The following GULP1 variants were observed in gnomAD, a reference collection of about 807,000 sequenced individuals.
GULP1 encodes the protein GULP PTB domain containing engulfment adaptor 1, also known as PTB domain-containing engulfment adapter protein 1.
Under a neutral mutation model 40.9 loss-of-function variants are expected in GULP1, and 19 were observed. The ratio of observed to expected loss-of-function variants is 0.46; its 90% CI spans 0.32 to 0.68. GULP1 has a LOEUF of 0.68. Among genes scored for constraint, GULP1 ranks in the 30% least tolerant of loss-of-function variants. The probability of loss-of-function intolerance (pLI) is 0.03; values close to 1 mark genes in which losing one functional copy is unlikely to be tolerated. For missense variants in GULP1, 312 were observed against 362.2 expected, an observed-to-expected ratio of 0.86 and a Z score of 1.12; for synonymous variants, 119 against 117.6, an observed-to-expected ratio of 1.01 and a Z score of -0.08.
chr2:188,380,040 A>G (rs561429329), intron 1 of GULP1, among the ~76,000 whole-genome samples: 2 of 152,320 alleles, frequency 1.3e-5, no homozygotes, highest in Admixed American at 6.5e-5. Context: ...ACTAGTAACT[A>G]AACAATTGGG....
rs755412261 is a variant in GULP1, at chr2:188,444,422, AAATT to A, written c.-44-33235_-44-33232del. Among the ~76,000 whole-genome samples, 191 of 152,352 alleles carry A rather than the reference AAATT, an allele frequency of 1.3e-3. No homozygotes were observed. The Middle Eastern group carries it at 0.024, about 19-fold the overall frequency. ...CTGTCAATTTAACTATTAAAAAAAC[AAATT>A]ATACGACACTGGTCTTTGCTTCCAG... On this transcript the variant is annotated intron_variant, in intron 2 of 11. Coordinates refer to ENST00000409830, the MANE Select transcript of GULP1 (RefSeq NM_016315.4).
chr2:188,314,787 C>T (rs933065410), intron 1 of GULP1, among the ~76,000 whole-genome samples: 6 of 152,104 alleles, frequency 3.9e-5, no homozygotes, highest in South Asian at 2.1e-4. Flanking sequence ...CAGAAATAAA[C>T]GATTCTTGTT....
At chr2:188,388,037 C>G (rs1192502870) in intron 2 of GULP1, among the ~76,000 whole-genome samples, 4 of 150,658 alleles carry the variant, frequency 2.7e-5, no homozygotes, top group African/African-American at 7.4e-5. Context: ...CGCCTCCCCC[C>G]ACCCCACAAC....
At chr2:188,590,238 T>A (rs1703256453) in intron 11 of GULP1, 3 of 152,216 alleles carry the variant, frequency 2.0e-5, no homozygotes, top group African/African-American at 7.2e-5. Flanking sequence ...CCTCCCAAAG[T>A]GCTTGGACCA....
chr2:188,392,290 G>T, intron 2 of GULP1, among the ~76,000 whole-genome samples: 1 of 140,002 alleles, frequency 7.1e-6, no homozygotes, highest in African/African-American at 2.4e-5. Context: ...CTTTTTATTG[G>T]TTTGTTCAGG....
intron 2 of GULP1, among the ~76,000 whole-genome samples, chr2:188,402,354 C>T (rs928818319): frequency 1.3e-5 from 2 of 152,050 alleles, no homozygotes; most frequent in African/African-American, 4.8e-5. Flanking sequence ...TGGGATGAAG[C>T]ATAAAAATTT....
intron 4 of GULP1, among the ~76,000 whole-genome samples, chr2:188,488,112 C>T (rs2062020278): frequency 6.6e-6 from 1 of 152,032 alleles, no homozygotes; most frequent in African/African-American, 2.4e-5. Context: ...AAACTTTTAA[C>T]TAAACCTGCC....
intron 2 of GULP1, among the ~76,000 whole-genome samples, chr2:188,432,560 T>G (rs1017427875): frequency 4.6e-5 from 7 of 152,154 alleles, no homozygotes; most frequent in African/African-American, 1.7e-4. Flanking sequence ...CAAATATAAT[T>G]CTGTTTTGCA....
chr2:188,503,969 A>G (rs2063677573), intron 4 of GULP1, among the ~76,000 whole-genome samples: 1 of 151,926 alleles, frequency 6.6e-6, no homozygotes, highest in Non-Finnish European at 1.5e-5. Flanking sequence ...TATACTTAGT[A>G]AAATAAAGCC....
intron 7 of GULP1, among the ~76,000 whole-genome samples, chr2:188,543,782 A>G (rs370046612): frequency 5.8e-4 from 88 of 152,252 alleles, no homozygotes; most frequent in Non-Finnish European, 9.1e-4. Context: ...TCATCATGCT[A>G]TATTACTCCC....
intron 2 of GULP1, among the ~76,000 whole-genome samples, chr2:188,463,725 T>G (rs2059897347): frequency 1.3e-5 from 2 of 152,092 alleles, no homozygotes; most frequent in Non-Finnish European, 2.9e-5. Flanking sequence ...GACTGTGTGC[T>G]TCCAAATAGC....
intron 2 of GULP1, among the ~76,000 whole-genome samples, chr2:188,428,692 T>A (rs183807271): frequency 2.5e-3 from 380 of 152,280 alleles, no homozygotes; most frequent in African/African-American, 8.1e-3. Context: ...AAGCAGATGC[T>A]GCCATGCTTT....
chr2:188,340,214 G>A (rs1473425522), intron 1 of GULP1, among the ~76,000 whole-genome samples: 1 of 152,172 alleles, frequency 6.6e-6, no homozygotes, highest in East Asian at 1.9e-4. Flanking sequence ...AAATATAGAT[G>A]ATGTTAGGTC....
At chr2:188,548,541 G>A (rs1347094009) in intron 7 of GULP1, among the ~76,000 whole-genome samples, 1 of 151,952 alleles carries the variant, frequency 6.6e-6, no homozygotes, top group African/African-American at 2.4e-5. Context: ...CAAAATTATA[G>A]CAAGGTTGTT....
chr2:188,441,049 G>C (rs2057880601), intron 2 of GULP1, among the ~76,000 whole-genome samples: 1 of 145,540 alleles, frequency 6.9e-6, no homozygotes, highest in African/African-American at 2.6e-5. Flanking sequence ...CTTTGGGATA[G>C]CATTCTAAGC....
intron 1 of GULP1, among the ~76,000 whole-genome samples, chr2:188,332,860 A>T (rs4563189): frequency 0.92 from 139,491 of 152,182 alleles, 64,054 homozygotes; most frequent in East Asian, 1. Flanking sequence ...TTTGGGTGGA[A>T]AAGCAGGATC....
intron 4 of GULP1, among the ~76,000 whole-genome samples, chr2:188,487,407 A>T (rs1006875932): frequency 6.6e-6 from 1 of 152,014 alleles, no homozygotes; most frequent in African/African-American, 2.4e-5. Flanking sequence ...CAGTAAAGAG[A>T]GTGAGTATTC....
intron 4 of GULP1, among the ~76,000 whole-genome samples, chr2:188,498,801 C>T (rs1455324077): frequency 6.6e-6 from 1 of 151,714 alleles, no homozygotes; most frequent in African/African-American, 2.4e-5. Flanking sequence ...GATCTGATCA[C>T]TATATTCAAA....
chr2:188,384,144 T>C (rs2049355279), intron 2 of GULP1: 1 of 152,202 alleles, frequency 6.6e-6, no homozygotes, highest in Admixed American at 6.6e-5. Flanking sequence ...GTTACAATGA[T>C]AGTATTATAT....
Sources: gnomAD v4.1 joint callset for allele counts (sites outside exome capture counted in the v4.1 genomes callset) on GRCh38, gnomAD v4.1.1 for gene constraint, MANE v1.5 for transcripts, NCBI Gene and HGNC (gene_info 2026-07-23, HGNC 2026-07-21) for gene names.